Variants in GALNT18 observed in about 807,000 individuals in gnomAD.
The protein encoded by GALNT18 is GalNAc-transferase 18.
Under a neutral mutation model 69.5 loss-of-function variants are expected in GALNT18, and 44 were observed. That is an observed-to-expected ratio of 0.63 (90% CI 0.50 to 0.81). GALNT18 has a LOEUF of 0.81. GALNT18 is among the 40% of genes least tolerant of loss of function. The pLI is 0.00. For synonymous variants in GALNT18, 364 were observed against 318.2 expected, an observed-to-expected ratio of 1.14 and a Z score of -1.53; for missense variants, 715 against 810.0, an observed-to-expected ratio of 0.88 and a Z score of 1.42.
At chr11:11,304,938 T>A (rs990507395) in intron 9 of GALNT18, among the ~76,000 whole-genome samples, 1 of 151,906 alleles carries the variant, frequency 6.6e-6, no homozygotes, top group African/African-American at 2.4e-5. Flanking sequence ...GGAGCATGAG[T>A]AAGAAATAAA....
chr11:11,288,172 G>C (rs1849228209), intron 10 of GALNT18, among the ~76,000 whole-genome samples: 1 of 152,036 alleles, frequency 6.6e-6, no homozygotes, highest in Non-Finnish European at 1.5e-5. Flanking sequence ...TTAATGTGAA[G>C]TCTACCTCCT....
intron 1 of GALNT18, among the ~76,000 whole-genome samples, chr11:11,609,089 T>G (rs1268725898): frequency 2.0e-5 from 3 of 152,208 alleles, no homozygotes; most frequent in Non-Finnish European, 4.4e-5. Flanking sequence ...TTTCTATCAT[T>G]TTCCACCATA....
At chr11:11,354,294 C>A (rs963399614) in intron 6 of GALNT18, among the ~76,000 whole-genome samples, 2 of 152,122 alleles carry the variant, frequency 1.3e-5, no homozygotes, top group Non-Finnish European at 2.9e-5. Context: ...CTTCATTTCC[C>A]AGGTGAGCAA....
At chr11:11,419,636 G>T (rs1040800884) in intron 3 of GALNT18, among the ~76,000 whole-genome samples, 9 of 113,302 alleles carry the variant, frequency 7.9e-5, no homozygotes, top group Admixed American at 5.3e-4. Context: ...AGAAGGAAAA[G>T]AAACCATGCA....
intron 9 of GALNT18, among the ~76,000 whole-genome samples, chr11:11,311,175 T>C (rs957612566): frequency 2.0e-5 from 3 of 152,176 alleles, no homozygotes; most frequent in Non-Finnish European, 4.4e-5. Context: ...ACCTAAAAAG[T>C]TGGTGATACC....
Position 11,542,279 on chromosome 11 carries a change from T to C in GALNT18, c.235+79080A>G, listed in dbSNP as rs375952577. The stretch of plus-strand genomic sequence containing the variant: ...AGCTCCCCTCCTTGTAGATCTAGCC[T>C]TTCCCTCAGCCTTTCTCCCTACCAG... On this transcript the variant is annotated intron_variant, in intron 1 of 10. Transcript: ENST00000227756. This position sits in a 1 kb window ranked among gnomAD's most constrained non-coding sequence, Gnocchi z 4.3. Among the ~76,000 whole-genome samples, 1 of 152,120 alleles carries C rather than the reference T, an allele frequency of 6.6e-6. No individual in the cohort carries two copies. The highest frequency in any genetic ancestry group is 6.5e-5 in the Admixed American group (1 of 15,270).
At chr11:11,297,211 T>C (rs1274213577) in intron 9 of GALNT18, among the ~76,000 whole-genome samples, 2 of 152,182 alleles carry the variant, frequency 1.3e-5, no homozygotes, top group Non-Finnish European at 2.9e-5. Flanking sequence ...CTAGCCAAAA[T>C]GTCAGTAGTG....
chr11:11,412,940 C>T (rs934391806), intron 3 of GALNT18, among the ~76,000 whole-genome samples: 1 of 152,278 alleles, frequency 6.6e-6, no homozygotes, highest in Middle Eastern at 3.4e-3. Flanking sequence ...TGGAAGGGAG[C>T]TAGTGGATAA....
rs933705060 is a variant in GALNT18 at position 11,614,000 on chromosome 11, C to A, written c.235+7359G>T. ...TCCAGCTGTACTGCTTGGCAATGTGCTTCTCCACAGGGCAGCCTGTCTGTC... is the reference window on the plus strand; with the variant it reads ...TCCAGCTGTACTGCTTGGCAATGTGATTCTCCACAGGGCAGCCTGTCTGTC... On this transcript the variant is annotated intron_variant, in intron 1 of 10. Coordinates refer to ENST00000227756, the MANE Select transcript of GALNT18 (RefSeq NM_198516.3). This position sits in a 1 kb window ranked among gnomAD's most constrained non-coding sequence, Gnocchi z 4.2. Among the ~76,000 whole-genome samples the A allele has an allele frequency of 2.6e-5, 4 of 152,182 alleles. No homozygotes were observed. The highest frequency in any genetic ancestry group is 4.4e-5 in the Non-Finnish European group (3 of 68,040).
chr11:11,355,670 T>C (rs1439564534), intron 6 of GALNT18, among the ~76,000 whole-genome samples: 4 of 152,238 alleles, frequency 2.6e-5, no homozygotes, highest in Non-Finnish European at 5.9e-5. Flanking sequence ...GTCTTACTAA[T>C]CTTTTCCCTC....
chr11:11,430,878 A>C lies in GALNT18; in HGVS notation c.595+1743T>G, dbSNP rs2133791762. Among the ~76,000 whole-genome samples the C allele has an allele frequency of 6.6e-6, 1 of 152,314 alleles. No individual in the cohort carries two copies. Among genetic ancestry groups the C allele is most frequent in the South Asian group, 2.1e-4 (1 of 4,826 alleles). On this transcript the variant is annotated intron_variant, in intron 3 of 10. Transcript: ENST00000227756. This position sits in a 1 kb window ranked among gnomAD's most constrained non-coding sequence, Gnocchi z 4.9. ...TTTTCCCCCGCCAATATAATAAAGC[A>C]TGACCAAATTCCTCCATTGCCCAAC... is the stretch of plus-strand genomic sequence containing the variant.
chr11:11,398,735 C>T (rs537149370), intron 3 of GALNT18, among the ~76,000 whole-genome samples: 15 of 152,236 alleles, frequency 9.9e-5, no homozygotes, highest in Admixed American at 2.0e-4. Flanking sequence ...ACCAGATGGA[C>T]GCATGGGATT....
At chr11:11,578,347 A>AAC (rs1447476761) in intron 1 of GALNT18, among the ~76,000 whole-genome samples, 1 of 151,598 alleles carries the variant, frequency 6.6e-6, no homozygotes, top group Non-Finnish European at 1.5e-5. Flanking sequence ...AAAAAAAAAA[A>AAC]ACTCAATAAG....
intron 6 of GALNT18, chr11:11,353,126 C>G: frequency 6.8e-6 from 11 of 1,614,036 alleles, no homozygotes; most frequent in Non-Finnish European, 9.3e-6. Flanking sequence ...ACATGTCAGA[C>G]AGGTTGGCGG....
At chr11:11,379,729 CT>C (rs1853864326) in intron 3 of GALNT18, among the ~76,000 whole-genome samples, 1 of 152,216 alleles carries the variant, frequency 6.6e-6, no homozygotes, top group South Asian at 2.1e-4. Flanking sequence ...GAAGATCCCT[CT>C]GCCAAGACCC....
At chr11:11,539,087 C>T (rs190377604) in intron 1 of GALNT18, among the ~76,000 whole-genome samples, 5 of 152,310 alleles carry the variant, frequency 3.3e-5, no homozygotes, top group Admixed American at 3.3e-4. Context: ...TTAATTCAGT[C>T]GCTGAACAAA....
chr11:11,429,985 C>T (rs1855229793), intron 3 of GALNT18, among the ~76,000 whole-genome samples: 1 of 151,968 alleles, frequency 6.6e-6, no homozygotes, highest in Non-Finnish European at 1.5e-5. Context: ...ACAAAAATTA[C>T]AAAACATTAG....
chr11:11,352,295 T>A, intron 6 of GALNT18: 1 of 1,614,148 alleles, frequency 6.2e-7, no homozygotes, highest in East Asian at 2.2e-5. Context: ...TTCGAGAGTG[T>A]CTGCCCAAGA....
rs2133706761 is a variant in GALNT18 at position 11,387,135 on chromosome 11, T to G, written c.596-7871A>C. ...GATGTAAATGCAGTCTGAAAACGGC[T>G]GCCTCACACCTGCCCAGGTAATTTT... On this transcript the variant is annotated intron_variant, in intron 3 of 10. Transcript: ENST00000227756. This position sits in a 1 kb window ranked among gnomAD's most constrained non-coding sequence, Gnocchi z 4.6. Among the ~76,000 whole-genome samples, 1 of 152,324 alleles carries G rather than the reference T, an allele frequency of 6.6e-6. No homozygotes were observed. The highest frequency in any genetic ancestry group is 2.1e-4 in the South Asian group (1 of 4,824).
Sources: gnomAD v4.1 joint callset for allele counts (sites outside exome capture counted in the v4.1 genomes callset) on GRCh38, gnomAD v4.1.1 for gene constraint, Gnocchi (gnomAD v3.1) non-coding constraint, MANE v1.5 for transcripts, NCBI Gene and HGNC (gene_info 2026-07-23, HGNC 2026-07-21) for gene names.